SLC16A12: variants seen among roughly 807,000 people sequenced by gnomAD.
SLC16A12 encodes monocarboxylate transporter 12.
Under a neutral mutation model 42.4 loss-of-function variants are expected in SLC16A12, and 17 were observed. The observed-to-expected ratio is 0.40, with a 90% CI of 0.27 to 0.60. The LOEUF (loss-of-function observed/expected upper bound fraction) is 0.60, where lower values mean the gene tolerates loss of function less well. Among genes scored for constraint, SLC16A12 ranks in the 20% least tolerant of loss-of-function variants. The pLI is 0.42. For synonymous variants in SLC16A12, 224 were observed against 229.4 expected (o/e 0.98, Z 0.21); for missense variants, 544 against 623.0 (o/e 0.87, Z 1.35).
chr10:89,517,469 C>T (rs1303276674), intron 2 of SLC16A12, among the ~76,000 whole-genome samples: 1 of 149,032 alleles, frequency 6.7e-6, no homozygotes, highest in Non-Finnish European at 1.5e-5. Flanking sequence ...TGCCACTTGC[C>T]CAGGTAATTA....
intron 2 of SLC16A12, among the ~76,000 whole-genome samples, chr10:89,501,753 A>T (rs1016980713): frequency 3.3e-5 from 5 of 152,106 alleles, no homozygotes; most frequent in African/African-American, 1.2e-4. Context: ...TTCATCTCAA[A>T]AATAATAATA....
intron 2 of SLC16A12, among the ~76,000 whole-genome samples, chr10:89,488,645 T>C (rs965954865): frequency 2.6e-5 from 4 of 152,156 alleles, no homozygotes; most frequent in African/African-American, 9.7e-5. Flanking sequence ...TAACTGACAA[T>C]AGTAACAGTT....
intron 2 of SLC16A12, among the ~76,000 whole-genome samples, chr10:89,498,740 G>A: frequency 6.6e-6 from 1 of 152,104 alleles, no homozygotes; most frequent in East Asian, 1.9e-4. Context: ...CAGGACCTGG[G>A]AGACACCCCA....
chr10:89,548,811 G>C (rs779027010), intron 2 of SLC16A12, among the ~76,000 whole-genome samples: 1 of 152,110 alleles, frequency 6.6e-6, no homozygotes, highest in Non-Finnish European at 1.5e-5. Context: ...GCGAGACTCT[G>C]TCTCAAAAAA....
At chr10:89,474,791 ATG>A (rs1842551432) in intron 2 of SLC16A12, among the ~76,000 whole-genome samples, 1 of 152,166 alleles carries the variant, frequency 6.6e-6, no homozygotes, top group Non-Finnish European at 1.5e-5. Context: ...TGCTACATAT[ATG>A]TTATTCCATG....
chr10:89,525,726 G>A (rs1843440918), intron 2 of SLC16A12, among the ~76,000 whole-genome samples: 3 of 152,116 alleles, frequency 2.0e-5, no homozygotes, highest in Non-Finnish European at 4.4e-5. Flanking sequence ...TTACCAAAGA[G>A]CCGGCTGGCA....
chr10:89,479,890 G>A (rs1842638304), intron 2 of SLC16A12, among the ~76,000 whole-genome samples: 1 of 152,146 alleles, frequency 6.6e-6, no homozygotes, highest in Non-Finnish European at 1.5e-5. Context: ...TTCATAAACT[G>A]CAAAAGAAGC....
intron 2 of SLC16A12, among the ~76,000 whole-genome samples, chr10:89,477,985 A>G (rs1394144738): frequency 6.6e-6 from 1 of 151,056 alleles, no homozygotes; most frequent in Non-Finnish European, 1.5e-5. Context: ...CTGGGAAGGG[A>G]AGACTTCAAT....
At chr10:89,494,496 T>C (rs1419244193) in intron 2 of SLC16A12, among the ~76,000 whole-genome samples, 1 of 152,242 alleles carries the variant, frequency 6.6e-6, no homozygotes, top group East Asian at 1.9e-4. Flanking sequence ...GCTTCCAATT[T>C]TGTACAGCAG....
chr10:89,519,413 G>T (rs769480272), intron 2 of SLC16A12, among the ~76,000 whole-genome samples: 1 of 152,198 alleles, frequency 6.6e-6, no homozygotes, highest in South Asian at 2.1e-4. Flanking sequence ...GCAAAAACTG[G>T]TATCTCCCAC....
At chr10:89,527,635 T>C (rs1843476067) in intron 2 of SLC16A12, among the ~76,000 whole-genome samples, 1 of 127,132 alleles carries the variant, frequency 7.9e-6, no homozygotes, top group Non-Finnish European at 1.6e-5. Flanking sequence ...CATTTCCATT[T>C]CTACAAAAAA....
chr10:89,457,281 G>GA (rs768303369), intron 3 of SLC16A12, among the ~76,000 whole-genome samples: 3 of 151,138 alleles, frequency 2.0e-5, no homozygotes, highest in Admixed American at 6.6e-5. Context: ...AAACTTACAA[G>GA]AAAAAAAACA....
At chr10:89,541,675 C>T (rs1843716693) in intron 2 of SLC16A12, among the ~76,000 whole-genome samples, 1 of 152,214 alleles carries the variant, frequency 6.6e-6, no homozygotes, top group South Asian at 2.1e-4. Flanking sequence ...GTCTGCGCTA[C>T]TGATATTTTA....
intron 2 of SLC16A12, among the ~76,000 whole-genome samples, chr10:89,491,296 C>A (rs1227463582): frequency 6.6e-6 from 1 of 152,076 alleles, no homozygotes; most frequent in Non-Finnish European, 1.5e-5. Context: ...GAGTTGCAAC[C>A]AGGCAAAAGA....
Position 89,471,568 on chromosome 10 carries a change from C to A in SLC16A12, c.-46-8944G>T, listed in dbSNP as rs77500152. ...ATTGTTACAGCTGTTTCCAGTTTTACATTATGAATAAAACTTCTATGAACA... is the reference window on the plus strand; with the variant it reads ...ATTGTTACAGCTGTTTCCAGTTTTAAATTATGAATAAAACTTCTATGAACA... On this transcript the variant is annotated intron_variant, in intron 2 of 7. Transcript: ENST00000371790. Among the ~76,000 whole-genome samples the A allele has an allele frequency of 2.3e-3, 351 of 152,206 alleles. 1 individual carries two copies. The highest frequency in any genetic ancestry group is 8.0e-3 in the African/African-American group (331 of 41,540).
chr10:89,481,350 T>G (rs929456731), intron 2 of SLC16A12, among the ~76,000 whole-genome samples: 1 of 152,184 alleles, frequency 6.6e-6, no homozygotes, highest in Non-Finnish European at 1.5e-5. Context: ...ACATTTTTTT[T>G]TCCATTTAAC....
intron 7 of SLC16A12, among the ~76,000 whole-genome samples, chr10:89,433,831 T>A (rs1399726107): frequency 6.6e-6 from 1 of 152,234 alleles, no homozygotes; most frequent in Non-Finnish European, 1.5e-5. Flanking sequence ...TTTCAGCTAT[T>A]TTAGCAGTTG....
At chr10:89,450,330 A>G (rs539399690) in intron 3 of SLC16A12, among the ~76,000 whole-genome samples, 22 of 152,238 alleles carry the variant, frequency 1.4e-4, no homozygotes, top group Non-Finnish European at 2.8e-4. Flanking sequence ...ATGTGGCACT[A>G]TTCACAATAG....
chr10:89,530,446 C>T (rs1843526950), intron 2 of SLC16A12, among the ~76,000 whole-genome samples: 1 of 150,338 alleles, frequency 6.7e-6, no homozygotes. Flanking sequence ...GAGACGGAGT[C>T]TCGCTCTGTT....
Sources: allele counts gnomAD v4.1 joint callset (sites outside exome capture counted in the v4.1 genomes callset), GRCh38; gene constraint gnomAD v4.1.1; transcripts MANE v1.5; gene names NCBI Gene and HGNC (gene_info 2026-07-23, HGNC 2026-07-21).